NRXN3: variants seen among roughly 807,000 people sequenced by gnomAD.
NRXN3 encodes the protein neurexin III.
NRXN3 carries 32 observed loss-of-function variants against 137.6 expected under a neutral mutation model. The ratio of observed to expected loss-of-function variants is 0.23; its 90% confidence interval spans 0.18 to 0.31. The LOEUF is 0.31. Ranked by LOEUF, NRXN3 falls within the 10% of genes least tolerant of loss-of-function variation. The pLI is 1.00. For synonymous variants in NRXN3, 798 were observed against 784.5 expected (o/e 1.02, Z -0.29); for missense variants, 1,574 against 2,062.5 (o/e 0.76, Z 4.59).
At chr14:79,845,592 G>GAGAGAGAC (rs1231035172) in intron 20 of NRXN3, among the ~76,000 whole-genome samples, 7 of 9,610 alleles carry the variant, frequency 7.3e-4, no homozygotes, top group East Asian at 0.01. Flanking sequence ...GAGAGACAGA[G>GAGAGAGAC]AGAGAGAGAG....
intron 20 of NRXN3, among the ~76,000 whole-genome samples, chr14:79,845,837 ACG>A (rs2099367223): frequency 6.7e-5 from 6 of 89,062 alleles, no homozygotes; most frequent in East Asian, 4.0e-4. Flanking sequence ...AGAGAGGGAG[ACG>A]GGGAGAGAGA....
At chr14:79,532,751 G>A (rs922754537) in intron 16 of NRXN3, among the ~76,000 whole-genome samples, 5 of 152,108 alleles carry the variant, frequency 3.3e-5, no homozygotes, top group East Asian at 1.9e-4. Context: ...TGCCTCAAAC[G>A]AGTTATTATT....
intron 15 of NRXN3, among the ~76,000 whole-genome samples, chr14:79,192,765 A>ATTCTTTTTT (rs1413090484): frequency 8.7e-6 from 1 of 115,300 alleles, no homozygotes; most frequent in Non-Finnish European, 1.7e-5. Context: ...AATTCTCTTA[A>ATTCTTTTTT]TTTTTTTTTT....
At chr14:78,494,888 GT>G (rs5809889) in intron 4 of NRXN3, among the ~76,000 whole-genome samples, 53,540 of 151,796 alleles carry the variant, frequency 0.35, 10,095 homozygotes, top group Admixed American at 0.42. Context: ...AGTGAGGTGT[GT>G]TTTTACCAAT....
intron 4 of NRXN3, among the ~76,000 whole-genome samples, chr14:78,470,461 C>T (rs1003745537): frequency 3.6e-4 from 50 of 137,952 alleles, no homozygotes; most frequent in Admixed American, 3.6e-3. Flanking sequence ...AGGCTTTGCT[C>T]CATAATCCTC....
intron 4 of NRXN3, among the ~76,000 whole-genome samples, chr14:78,491,996 A>G (rs1159158559): frequency 6.6e-6 from 1 of 152,156 alleles, no homozygotes; most frequent in East Asian, 1.9e-4. Flanking sequence ...TCTGCTGCTT[A>G]CCATGTGGGC....
In NRXN3 at chr14:78,792,370, T is replaced by G. The variant is rs879308594; in HGVS notation, c.2045-11250T>G. 4.3e-5 allele frequency among the ~76,000 whole-genome samples: 6 copies of G among 140,722 alleles called. No individual in the cohort carries two copies. In the Admixed American group the frequency reaches 4.4e-4, roughly 10 times the overall value. 92.3% of individuals were successfully genotyped at this position (140,722 alleles called of 152,430 possible). On this transcript the variant is annotated intron_variant, in intron 8 of 20. Coordinates refer to ENST00000335750, the MANE Select transcript of NRXN3 (RefSeq NM_001330195.2). The stretch of plus-strand genomic sequence containing the variant: ...GAAAAGATATGGCTAAAAATTGAAA[T>G]ATTGCCAGAGGGAAAGTGCTGAAGA...
At chr14:78,425,175 G>T (rs919899863) in intron 4 of NRXN3, among the ~76,000 whole-genome samples, 2 of 152,170 alleles carry the variant, frequency 1.3e-5, no homozygotes, top group African/African-American at 4.8e-5. Context: ...CCACTTCCTC[G>T]ATCTTTAACT....
chr14:78,526,492 G>A (rs1289287616), intron 4 of NRXN3, among the ~76,000 whole-genome samples: 2 of 152,170 alleles, frequency 1.3e-5, no homozygotes, highest in Non-Finnish European at 2.9e-5. Flanking sequence ...AACTAACAAT[G>A]TTATTGTTAA....
At chr14:79,017,908 A>G (rs2099581990) in intron 15 of NRXN3, among the ~76,000 whole-genome samples, 1 of 152,048 alleles carries the variant, frequency 6.6e-6, no homozygotes, top group Non-Finnish European at 1.5e-5. Flanking sequence ...GTCCTTATCA[A>G]AGGGAACCTT....
At chr14:79,202,958 C>G (rs2066268366) in intron 15 of NRXN3, among the ~76,000 whole-genome samples, 1 of 152,184 alleles carries the variant, frequency 6.6e-6, no homozygotes, top group Non-Finnish European at 1.5e-5. Flanking sequence ...AATCTCCACA[C>G]TAGTATACAT....
intron 15 of NRXN3, among the ~76,000 whole-genome samples, chr14:79,200,684 C>T (rs1020086013): frequency 2.6e-5 from 4 of 152,096 alleles, no homozygotes; most frequent in Admixed American, 6.6e-5. Flanking sequence ...AATTGGAAAA[C>T]AATGTACACA....
At chr14:78,610,595 A>G (rs1010647825) in intron 4 of NRXN3, among the ~76,000 whole-genome samples, 2 of 152,228 alleles carry the variant, frequency 1.3e-5, no homozygotes, top group African/African-American at 4.8e-5. Flanking sequence ...GTAGTTGATG[A>G]TTCTGTGAAA....
rs77026723 is a variant in NRXN3 at position 78,979,370 on chromosome 14, C to T, written c.3143-8652C>T. Among the ~76,000 whole-genome samples, 4,750 of 152,144 alleles carry T rather than the reference C, an allele frequency of 0.031. 475 individuals carry two copies. The East Asian group carries it at 0.4, about 13-fold the overall frequency. On this transcript the variant is annotated intron_variant, in intron 14 of 20. Transcript: ENST00000335750. ...GTAGGCAGTAAGAGTCTTTCATAAT[C>T]CATTTGCATTTTCAAAAATTTCCCT...
At chr14:78,531,137 G>A (rs763314123) in intron 4 of NRXN3, among the ~76,000 whole-genome samples, 1 of 152,056 alleles carries the variant, frequency 6.6e-6, no homozygotes, top group African/African-American at 2.4e-5. Context: ...ATCTGAGCTG[G>A]CCCTCTTCTC....
chr14:78,702,920 T>A (rs1434641466), intron 6 of NRXN3, among the ~76,000 whole-genome samples: 1 of 152,202 alleles, frequency 6.6e-6, no homozygotes, highest in Non-Finnish European at 1.5e-5. Flanking sequence ...TTTCTTACAG[T>A]CCTATGTGGT....
chr14:78,921,235 G>A lies in NRXN3; in HGVS notation c.2276-36007G>A, dbSNP rs370550630. 1.6e-4 allele frequency among the ~76,000 whole-genome samples: 25 copies of A among 152,246 alleles called. No homozygotes were observed. In the South Asian group the frequency reaches 1.9e-3, roughly 11 times the overall value. On this transcript the variant is annotated intron_variant, in intron 10 of 20. Coordinates refer to ENST00000335750, the MANE Select transcript of NRXN3 (RefSeq NM_001330195.2). The stretch of plus-strand genomic sequence containing the variant: ...CTGGGAGAAAGATTTTTTTGTTGTT[G>A]TTACACTACACACAGCCATATGCTG...
At chr14:78,677,385 A>G (rs2098019297) in intron 6 of NRXN3, among the ~76,000 whole-genome samples, 1 of 152,266 alleles carries the variant, frequency 6.6e-6, no homozygotes, top group Non-Finnish European at 1.5e-5. Flanking sequence ...GAGGAGTTCA[A>G]GACTTCAGTG....
At chr14:78,369,004 G>A (rs975348777) in intron 4 of NRXN3, among the ~76,000 whole-genome samples, 4 of 152,142 alleles carry the variant, frequency 2.6e-5, no homozygotes, top group African/African-American at 9.7e-5. Flanking sequence ...AGATGAATGG[G>A]AATACTCACT....
Sources: allele counts gnomAD v4.1 joint callset (sites outside exome capture counted in the v4.1 genomes callset), GRCh38; gene constraint gnomAD v4.1.1; transcripts MANE v1.5; gene names NCBI Gene and HGNC (gene_info 2026-07-23, HGNC 2026-07-21).